COL26A1: variants seen among roughly 807,000 people sequenced by gnomAD.
COL26A1 encodes collagen type XXVI alpha 1 chain.
In COL26A1, 41 loss-of-function variants were observed where a neutral mutation model predicts 59.3. That is an observed-to-expected ratio of 0.69 (90% CI 0.54 to 0.90). The LOEUF is 0.90. Among genes scored for constraint, COL26A1 ranks in the 40% least tolerant of loss-of-function variants. The probability of loss-of-function intolerance (pLI) is 0.00; values close to 1 mark genes in which losing one functional copy is unlikely to be tolerated. For synonymous variants in COL26A1, 266 were observed against 256.0 expected, an observed-to-expected ratio of 1.04 and a Z score of -0.37; for missense variants, 612 against 602.3, an observed-to-expected ratio of 1.02 and a Z score of -0.17.
In COL26A1 at chr7:101,503,773, G is replaced by A. The variant is rs191776684; in HGVS notation, c.386-29309G>A. On this transcript the variant is annotated intron_variant, in intron 3 of 12. Transcript: ENST00000313669. ...CTCAAGGGAAGGTGCTGGAACTTTTGTTTCAGTCCTGAAGTCACAGGCACT... is the reference window on the plus strand; with the variant it reads ...CTCAAGGGAAGGTGCTGGAACTTTTATTTCAGTCCTGAAGTCACAGGCACT... Among the ~76,000 whole-genome samples, 446 of 152,334 alleles carry A rather than the reference G, an allele frequency of 2.9e-3. 1 individual carries two copies. Among genetic ancestry groups the A allele is most frequent in the Middle Eastern group, 0.01 (3 of 294 alleles).
intron 3 of COL26A1, among the ~76,000 whole-genome samples, chr7:101,456,999 G>C (rs1003455097): frequency 1.3e-5 from 2 of 152,110 alleles, no homozygotes; most frequent in South Asian, 4.2e-4. Context: ...ACATGATGCC[G>C]GCCACGTGGG....
chr7:101,524,140 G>A (rs1420441386), intron 3 of COL26A1, among the ~76,000 whole-genome samples: 1 of 151,906 alleles, frequency 6.6e-6, no homozygotes, highest in African/African-American at 2.4e-5. Context: ...GCATGGTGGT[G>A]GGTGGCTGTA....
rs569335871 is a variant in COL26A1 at position 101,362,941 on chromosome 7, C to T, written c.-92C>T. On this transcript the variant is annotated 5_prime_UTR_variant, in exon 1 of 13. Coordinates refer to ENST00000313669, the MANE Select transcript of COL26A1 (RefSeq NM_001278563.3). ...TCGCCCCGCTCCTCTCGCTGTGCTC[C>T]CGGCCGGTGCCGCGGGTTCGGTCCG... 4 of 1,344,116 alleles carry T rather than the reference C, an allele frequency of 3.0e-6. No homozygotes were observed. In the African/African-American group the frequency reaches 4.6e-5, roughly 15 times the overall value. The allele number at this position is 1,344,116 out of a possible 1,614,324, so 83.3% of individuals were successfully genotyped here.
chr7:101,437,983 G>A (rs746634406), intron 2 of COL26A1, among the ~76,000 whole-genome samples: 2 of 152,054 alleles, frequency 1.3e-5, no homozygotes, highest in African/African-American at 2.4e-5. Context: ...GAAGTGTTGG[G>A]ATTACAGGCA....
At chr7:101,365,834 T>C (rs574651179) in intron 1 of COL26A1, among the ~76,000 whole-genome samples, 1 of 149,126 alleles carries the variant, frequency 6.7e-6, no homozygotes, top group African/African-American at 2.4e-5. Context: ...AAAAAAAAGG[T>C]GTTTGCAGCC....
At chr7:101,407,537 G>A (rs1792155336) in intron 1 of COL26A1, among the ~76,000 whole-genome samples, 1 of 151,706 alleles carries the variant, frequency 6.6e-6, no homozygotes, top group East Asian at 2.0e-4. Flanking sequence ...AGTGGCCATA[G>A]ATATCTCCTC....
chr7:101,471,250 CT>C (rs759833751), intron 3 of COL26A1, among the ~76,000 whole-genome samples: 2 of 152,070 alleles, frequency 1.3e-5, no homozygotes, highest in South Asian at 2.1e-4. Flanking sequence ...TTATACTTGC[CT>C]TGTGCACATG....
chr7:101,556,993 GTGGATGGA>G (rs72354212), intron 12 of COL26A1, among the ~76,000 whole-genome samples: 2,713 of 144,734 alleles, frequency 0.019, 77 homozygotes, highest in African/African-American at 0.058. Flanking sequence ...GGATGGATGG[GTGGATGGA>G]TGGATGGATG....
chr7:101,363,152 C>A lies in COL26A1; in HGVS notation c.120C>A (p.Pro40=), dbSNP rs757943554. 6.7e-7 allele frequency: 1 copy of A among 1,498,998 alleles called. No homozygotes were observed. Among genetic ancestry groups the A allele is most frequent in the Non-Finnish European group, 8.8e-7 (1 of 1,130,448 alleles). The allele number at this position is 1,498,998 out of a possible 1,614,324, so 92.9% of individuals were successfully genotyped here. A position where few individuals can be genotyped will look rare whatever the true frequency, so the allele number is the denominator to read the frequency against. ...TGCAGCAGCACGGCTACCCCGAGCC[C>A]GGCGCCGGCTCCCCTGGCAGCGGCT... ...AALQQHGYPE[P]GAGSPGSGYA... Residue 40 remains proline, a synonymous_variant, in exon 1 of 13, where the codon CCC becomes CCA. Transcript: ENST00000313669.
intron 12 of COL26A1, among the ~76,000 whole-genome samples, chr7:101,556,731 TG>T (rs1795983344): frequency 6.6e-6 from 1 of 150,872 alleles, no homozygotes; most frequent in African/African-American, 2.4e-5. Flanking sequence ...GGTGGGTAAA[TG>T]AGTGAATAGA....
chr7:101,469,733 G>A (rs753262452), intron 3 of COL26A1, among the ~76,000 whole-genome samples: 46 of 152,004 alleles, frequency 3.0e-4, no homozygotes, highest in Admixed American at 5.9e-4. Context: ...CAAGTGATCC[G>A]CCCACCTCAG....
intron 1 of COL26A1, among the ~76,000 whole-genome samples, chr7:101,395,597 T>C (rs1791836947): frequency 6.6e-6 from 1 of 152,112 alleles, no homozygotes; most frequent in African/African-American, 2.4e-5. Context: ...AGGAATGAAT[T>C]GAGAACTTGA....
In COL26A1 at chr7:101,489,697, C is replaced by CTTTCTTTCTT. The variant is rs371040898; in HGVS notation, c.385+41911_385+41912insTTCTTTCTTT. Among the ~76,000 whole-genome samples the CTTTCTTTCTT allele has an allele frequency of 7.0e-4, 13 of 18,694 alleles. 3 individuals carry two copies. The South Asian group carries it at 0.021, about 30-fold the overall frequency. 12.3% of individuals were successfully genotyped at this position (18,694 alleles called of 152,430 possible). ...CCTTCCTTCCTTTCTTTCTTTCTTT[C>CTTTCTTTCTT]TGTCTTTCTTTCTTTCATTCTTTCT... On this transcript the variant is annotated intron_variant, in intron 3 of 12. Coordinates refer to ENST00000313669, the MANE Select transcript of COL26A1 (RefSeq NM_001278563.3).
chr7:101,426,117 G>A (rs563170921), intron 2 of COL26A1, among the ~76,000 whole-genome samples: 32 of 152,204 alleles, frequency 2.1e-4, no homozygotes, highest in African/African-American at 7.5e-4. Flanking sequence ...GAGCTGCTGC[G>A]TCAGGCCAGC....
chr7:101,446,930 C>T (rs919050655), intron 2 of COL26A1, among the ~76,000 whole-genome samples: 4 of 151,692 alleles, frequency 2.6e-5, no homozygotes, highest in Non-Finnish European at 5.9e-5. Context: ...GTTTTTATCA[C>T]TCAAATCAGT....
intron 1 of COL26A1, among the ~76,000 whole-genome samples, chr7:101,410,451 T>G (rs1476739555): frequency 6.6e-6 from 1 of 152,222 alleles, no homozygotes; most frequent in Non-Finnish European, 1.5e-5. Flanking sequence ...TTATTAATCT[T>G]GTTGGACAGC....
At chr7:101,471,586 T>G (rs886160511) in intron 3 of COL26A1, among the ~76,000 whole-genome samples, 11 of 107,386 alleles carry the variant, frequency 1.0e-4, no homozygotes, top group Non-Finnish European at 1.5e-4. Flanking sequence ...TTTTTTTTTT[T>G]TTTTTTTTTT....
At chr7:101,470,419 A>G (rs771024493) in intron 3 of COL26A1, among the ~76,000 whole-genome samples, 3 of 151,848 alleles carry the variant, frequency 2.0e-5, no homozygotes, top group African/African-American at 4.8e-5. Flanking sequence ...CTATTGGCAT[A>G]GCTGCCGGCA....
intron 3 of COL26A1, among the ~76,000 whole-genome samples, chr7:101,476,968 C>A (rs190680343): frequency 6.6e-6 from 1 of 151,740 alleles, no homozygotes. Flanking sequence ...CTCAGCCTCC[C>A]GAGTAGCTGG....
Sources: allele counts gnomAD v4.1 joint callset (sites outside exome capture counted in the v4.1 genomes callset), GRCh38; gene constraint gnomAD v4.1.1; transcripts MANE v1.5; gene names NCBI Gene and HGNC (gene_info 2026-07-23, HGNC 2026-07-21).